The following RIMS2 variants were observed in gnomAD, a reference collection of about 807,000 sequenced individuals.
The protein encoded by RIMS2 is regulating synaptic membrane exocytosis 2, also known as regulating synaptic membrane exocytosis protein 2.
RIMS2 carries 59 observed loss-of-function variants against 174.4 expected under a neutral mutation model. That is an observed-to-expected ratio of 0.34 (90% CI 0.27 to 0.42). RIMS2 has a LOEUF of 0.42. Ranked by LOEUF, RIMS2 falls within the 10% of genes least tolerant of loss-of-function variation. The pLI is 1.00. For missense variants in RIMS2, 1,620 were observed against 1,666.3 expected (o/e 0.97, Z 0.48); for synonymous variants, 606 against 572.5 (o/e 1.06, Z -0.84).
intron 19 of RIMS2, among the ~76,000 whole-genome samples, chr8:104,192,308 T>A (rs1181075408): frequency 6.6e-6 from 1 of 152,116 alleles, no homozygotes; most frequent in African/African-American, 2.4e-5. Context: ...CTGAATTATT[T>A]TGTAGTAATT....
chr8:103,665,751 C>T (rs775068729), intron 1 of RIMS2, among the ~76,000 whole-genome samples: 3 of 152,016 alleles, frequency 2.0e-5, no homozygotes, highest in Non-Finnish European at 2.9e-5. Context: ...TTTCAACTTC[C>T]TGAATTTTCC....
chr8:103,995,500 A>AAC (rs2095034260), intron 17 of RIMS2, among the ~76,000 whole-genome samples: 1 of 152,088 alleles, frequency 6.6e-6, no homozygotes, highest in Non-Finnish European at 1.5e-5. Context: ...TTCTTGACAG[A>AAC]ATGATGAACA....
chr8:103,923,762 A>G (rs1210331637), intron 10 of RIMS2, among the ~76,000 whole-genome samples: 1 of 151,802 alleles, frequency 6.6e-6, no homozygotes, highest in Non-Finnish European at 1.5e-5. Context: ...TATAAAAAAT[A>G]TTGGTTATAA....
intron 1 of RIMS2, among the ~76,000 whole-genome samples, chr8:103,515,912 G>T (rs560351967): frequency 6.6e-6 from 1 of 151,914 alleles, no homozygotes; most frequent in Non-Finnish European, 1.5e-5. Flanking sequence ...AATACTGTTT[G>T]CTGACTATAG....
At chr8:104,020,776 A>G (rs982883457) in intron 19 of RIMS2, among the ~76,000 whole-genome samples, 1 of 152,132 alleles carries the variant, frequency 6.6e-6, no homozygotes, top group African/African-American at 2.4e-5. Context: ...ACAATAATAT[A>G]AAAGGAAGAT....
chr8:103,953,347 G>A (rs2086042670), intron 14 of RIMS2, among the ~76,000 whole-genome samples: 1 of 152,228 alleles, frequency 6.6e-6, no homozygotes, highest in African/African-American at 2.4e-5. Context: ...AGGGCAGCCA[G>A]AGAGAAAGGG....
chr8:103,998,893 T>C (rs1374720563), intron 17 of RIMS2, among the ~76,000 whole-genome samples: 1 of 151,710 alleles, frequency 6.6e-6, no homozygotes, highest in Non-Finnish European at 1.5e-5. Context: ...ATAATTTACA[T>C]TGGAGGGAAA....
At chr8:104,000,211 T>C (rs1044578238) in intron 17 of RIMS2, among the ~76,000 whole-genome samples, 3 of 151,662 alleles carry the variant, frequency 2.0e-5, no homozygotes, top group Non-Finnish European at 3.0e-5. Flanking sequence ...TTCTCTCTAC[T>C]ATCCTTCCCA....
At chr8:103,915,009 AT>A (rs1052318733) in intron 6 of RIMS2, among the ~76,000 whole-genome samples, 17 of 151,986 alleles carry the variant, frequency 1.1e-4, no homozygotes, top group African/African-American at 3.9e-4. Flanking sequence ...AAATTTTGTA[AT>A]TTTTTTCAAG....
rs186863323 is a variant in RIMS2, at chr8:103,608,654, G to A, written c.177-88432G>A. On this transcript the variant is annotated intron_variant, in intron 1 of 23. Transcript: ENST00000504942. ...TAGCAATCAGCGAGACTCCGTGGGC[G>A]TAGGACCCTCTGAGCCATGTGCAGG... 3.9e-3 allele frequency among the ~76,000 whole-genome samples: 582 copies of A among 149,708 alleles called. 12 individuals are homozygous for A. The highest frequency in any genetic ancestry group is 0.037 in the Admixed American group (553 of 15,094).
intron 19 of RIMS2, among the ~76,000 whole-genome samples, chr8:104,203,704 A>G (rs1028305514): frequency 1.7e-4 from 26 of 151,944 alleles, no homozygotes; most frequent in African/African-American, 6.0e-4. Context: ...AGTTTTCACC[A>G]TGTTGGCTAG....
At chr8:103,975,289 A>G (rs1371790607) in intron 15 of RIMS2, 61 bp from the exon 18 acceptor site, 7 of 1,138,568 alleles carry the variant, frequency 6.1e-6, no homozygotes, top group Non-Finnish European at 8.8e-6. Context: ...AGTAAAGTAG[A>G]AGAGACGCAA....
chr8:103,701,928 C>T (rs1209022927), intron 2 of RIMS2, among the ~76,000 whole-genome samples: 1 of 151,884 alleles, frequency 6.6e-6, no homozygotes, highest in Non-Finnish European at 1.5e-5. Context: ...TGTTTATTTC[C>T]TTTCTTTTGG....
chr8:104,127,457 C>G (rs2098441042), intron 19 of RIMS2, among the ~76,000 whole-genome samples: 1 of 152,072 alleles, frequency 6.6e-6, no homozygotes, highest in Non-Finnish European at 1.5e-5. Context: ...AATGAATAGG[C>G]AAATCAATGA....
chr8:103,737,175 C>CTTTTTTTTTTTTT (rs554949027), intron 2 of RIMS2, among the ~76,000 whole-genome samples: 18 of 67,530 alleles, frequency 2.7e-4, no homozygotes, highest in Middle Eastern at 0.013. Context: ...TTTCTTTGTT[C>CTTTTTTTTTTTTT]TTTTTTTTTT....
intron 19 of RIMS2, among the ~76,000 whole-genome samples, chr8:104,036,603 G>A (rs1597499733): frequency 6.6e-6 from 1 of 152,100 alleles, no homozygotes; most frequent in East Asian, 1.9e-4. Context: ...TTTAGGCTGG[G>A]CACAAGAGCT....
At chr8:103,577,684 G>A (rs1588131584) in intron 1 of RIMS2, among the ~76,000 whole-genome samples, 1 of 152,076 alleles carries the variant, frequency 6.6e-6, no homozygotes, top group African/African-American at 2.4e-5. Flanking sequence ...TACACAATAT[G>A]AATGAAAATA....
chr8:103,973,822 C>T (rs1260829983), intron 15 of RIMS2, among the ~76,000 whole-genome samples: 2 of 152,280 alleles, frequency 1.3e-5, no homozygotes, highest in South Asian at 2.1e-4. Context: ...GTTGATGTTC[C>T]ACCCATATCC....
At chr8:103,748,297 T>C (rs2139609363) in intron 2 of RIMS2, among the ~76,000 whole-genome samples, 1 of 151,762 alleles carries the variant, frequency 6.6e-6, no homozygotes, top group South Asian at 2.1e-4. Flanking sequence ...AAAAAAAAAT[T>C]AGCTGGATCT....
Sources: allele counts gnomAD v4.1 joint callset (sites outside exome capture counted in the v4.1 genomes callset), GRCh38; gene constraint gnomAD v4.1.1; transcripts MANE v1.5; gene names NCBI Gene and HGNC (gene_info 2026-07-23, HGNC 2026-07-21).